Variants in PEX5L observed in about 807,000 individuals in gnomAD.
PEX5L encodes the protein PEX5-related protein.
Under a neutral mutation model 84.0 loss-of-function variants are expected in PEX5L, and 30 were observed. The ratio of observed to expected loss-of-function variants is 0.36; its 90% CI spans 0.27 to 0.48. The LOEUF (loss-of-function observed/expected upper bound fraction) is 0.48, where lower values mean the gene tolerates loss of function less well. PEX5L is among the 20% of genes least tolerant of loss of function. The pLI, the probability that PEX5L is intolerant of heterozygous loss-of-function variation, is 0.99. For missense variants in PEX5L, 533 were observed against 754.6 expected (o/e 0.71, Z 3.44); for synonymous variants, 270 against 283.1 (o/e 0.95, Z 0.46).
intron 2 of PEX5L, among the ~76,000 whole-genome samples, chr3:179,958,959 G>A (rs963795818): frequency 2.0e-5 from 3 of 151,734 alleles, no homozygotes; most frequent in Non-Finnish European, 2.9e-5. Context: ...CCCTAGAGGC[G>A]GAGCTTACAG....
Position 179,951,637 on chromosome 3 carries a change from T to C in PEX5L, c.93+19957A>G, listed in dbSNP as rs188581541. ...AGCAGAGCAAAGAGCTGGAAGAGGCTTGCATTTCTGACCACTTAGGAGATC... is the reference window on the plus strand; with the variant it reads ...AGCAGAGCAAAGAGCTGGAAGAGGCCTGCATTTCTGACCACTTAGGAGATC... On this transcript the variant is annotated intron_variant, in intron 2 of 14. Coordinates refer to ENST00000467460, the MANE Select transcript of PEX5L (RefSeq NM_016559.3). Among the ~76,000 whole-genome samples, 171 of 152,316 alleles carry C rather than the reference T, an allele frequency of 1.1e-3. 1 individual carries two copies. The highest frequency in any genetic ancestry group is 0.01 in the Middle Eastern group (3 of 294).
chr3:179,979,625 C>T (rs143750540), intron 1 of PEX5L, among the ~76,000 whole-genome samples: 1 of 152,238 alleles, frequency 6.6e-6, no homozygotes, highest in East Asian at 1.9e-4. Context: ...TATCTTGGAT[C>T]CCAGTGGCAA....
In PEX5L at chr3:179,853,029, C is replaced by T. The variant is rs1310043033; in HGVS notation, c.822+6033G>A. ...TAAAAATTTGCACCAGACTCTATGGCAGGTGCTGGGAACATAAAGAAGGAT... is the reference window on the plus strand; with the variant it reads ...TAAAAATTTGCACCAGACTCTATGGTAGGTGCTGGGAACATAAAGAAGGAT... On this transcript the variant is annotated intron_variant, in intron 8 of 14. Transcript: ENST00000467460. Among the ~76,000 whole-genome samples the T allele has an allele frequency of 2.6e-5, 4 of 152,228 alleles. No homozygotes were observed. The East Asian group carries it at 7.7e-4, about 29-fold the overall frequency.
At chr3:179,926,975 G>A (rs1382814176) in intron 2 of PEX5L, among the ~76,000 whole-genome samples, 1 of 152,162 alleles carries the variant, frequency 6.6e-6, no homozygotes, top group Non-Finnish European at 1.5e-5. Flanking sequence ...TCTCAGTTTT[G>A]AATATATATG....
intron 8 of PEX5L, among the ~76,000 whole-genome samples, chr3:179,834,508 C>G (rs1347106181): frequency 2.0e-5 from 3 of 152,216 alleles, no homozygotes; most frequent in Non-Finnish European, 2.9e-5. Flanking sequence ...TTTGCTGCCT[C>G]TCACTGCTTT....
chr3:179,887,215 G>A (rs1465325273), intron 4 of PEX5L, among the ~76,000 whole-genome samples: 1 of 152,104 alleles, frequency 6.6e-6, no homozygotes, highest in Non-Finnish European at 1.5e-5. Flanking sequence ...AAATGAAACC[G>A]GCTCTATACT....
chr3:179,863,691 A>T (rs929122792), intron 7 of PEX5L, among the ~76,000 whole-genome samples: 1 of 152,142 alleles, frequency 6.6e-6, no homozygotes, highest in Admixed American at 6.6e-5. Context: ...AGTGTTGGAG[A>T]GGATGTGGAG....
At chr3:179,896,971 G>A (rs905953289) in intron 3 of PEX5L, among the ~76,000 whole-genome samples, 1 of 151,942 alleles carries the variant, frequency 6.6e-6, no homozygotes, top group Non-Finnish European at 1.5e-5. Context: ...CTTCTTTTGG[G>A]ATAAAAAAAG....
intron 2 of PEX5L, among the ~76,000 whole-genome samples, chr3:179,948,773 C>T (rs187343688): frequency 8.5e-5 from 13 of 152,142 alleles, no homozygotes; most frequent in South Asian, 2.1e-4. Flanking sequence ...TTTCTCTCTG[C>T]GGAAGCAGTC....
chr3:179,998,075 C>T (rs567104030), intron 1 of PEX5L, among the ~76,000 whole-genome samples: 1 of 152,178 alleles, frequency 6.6e-6, no homozygotes, highest in Non-Finnish European at 1.5e-5. Context: ...CATTTGTGTG[C>T]CACAGGATGG....
At chr3:180,035,808 G>C (rs919655744) in intron 1 of PEX5L, among the ~76,000 whole-genome samples, 89 of 152,172 alleles carry the variant, frequency 5.8e-4, no homozygotes, top group Admixed American at 5.8e-3. Flanking sequence ...TTAGAAAGCT[G>C]AGTTAGTATT....
intron 2 of PEX5L, among the ~76,000 whole-genome samples, chr3:179,934,584 A>T (rs547651561): frequency 5.8e-4 from 89 of 152,304 alleles, no homozygotes; most frequent in African/African-American, 2.0e-3. Context: ...TGGAATTTGA[A>T]TTCAGTTATT....
intron 8 of PEX5L, among the ~76,000 whole-genome samples, chr3:179,835,259 T>G (rs1192784846): frequency 3.3e-5 from 5 of 152,212 alleles, no homozygotes; most frequent in Non-Finnish European, 7.3e-5. Context: ...AGAGATGTGA[T>G]CTCAGCCAAA....
At chr3:179,850,445 T>C (rs1302654320) in intron 8 of PEX5L, among the ~76,000 whole-genome samples, 1 of 152,112 alleles carries the variant, frequency 6.6e-6, no homozygotes, top group East Asian at 1.9e-4. Flanking sequence ...CCTTATACTT[T>C]TATCCTTACC....
At chr3:179,837,369 A>G (rs1304395361) in intron 8 of PEX5L, among the ~76,000 whole-genome samples, 2 of 152,192 alleles carry the variant, frequency 1.3e-5, no homozygotes, top group South Asian at 2.1e-4. Context: ...AAGACATTGG[A>G]ACAAGACTCC....
At chr3:179,840,331 G>A (rs1736731194) in intron 8 of PEX5L, among the ~76,000 whole-genome samples, 1 of 151,698 alleles carries the variant, frequency 6.6e-6, no homozygotes, top group Non-Finnish European at 1.5e-5. Context: ...TGGGATTATA[G>A]GCATGTGCCA....
At chr3:180,015,908 TA>T (rs1789907648) in intron 1 of PEX5L, among the ~76,000 whole-genome samples, 1 of 131,652 alleles carries the variant, frequency 7.6e-6, no homozygotes, top group Non-Finnish European at 1.6e-5. Flanking sequence ...TAATGTATAA[TA>T]AATAAACAAA....
intron 13 of PEX5L, 22 bp downstream of exon 13, chr3:179,808,250 T>TTGCTG (rs1429961154): frequency 6.6e-7 from 1 of 1,519,064 alleles, no homozygotes; most frequent in Admixed American, 2.3e-5. Flanking sequence ...CTGTGGTTTC[T>TTGCTG]TGCTGTGCTG....
chr3:179,966,594 C>T lies in PEX5L; in HGVS notation c.93+5000G>A, dbSNP rs151238983. On this transcript the variant is annotated intron_variant, in intron 2 of 14. Coordinates refer to ENST00000467460, the MANE Select transcript of PEX5L (RefSeq NM_016559.3). ...CACCAGATAAGCTGGGTATCTTCTC[C>T]GTTAATCTGTTTTTCTTGTTCTTCC... 2.9e-4 allele frequency among the ~76,000 whole-genome samples: 44 copies of T among 152,208 alleles called. No homozygotes were observed. The East Asian group carries it at 7.9e-3, about 27-fold the overall frequency.
Sources: gnomAD v4.1 joint callset for allele counts (sites outside exome capture counted in the v4.1 genomes callset) on GRCh38, gnomAD v4.1.1 for gene constraint, MANE v1.5 for transcripts, NCBI Gene and HGNC (gene_info 2026-07-23, HGNC 2026-07-21) for gene names.